Variants in PTPRK observed in about 807,000 individuals in gnomAD.
PTPRK encodes receptor-type tyrosine-protein phosphatase kappa.
A neutral mutation model predicts 178.0 loss-of-function variants in PTPRK; 75 were observed. That is an observed-to-expected ratio of 0.42 (90% confidence interval 0.35 to 0.51). The LOEUF (loss-of-function observed/expected upper bound fraction) is 0.51, where lower values mean the gene tolerates loss of function less well. Among genes scored for constraint, PTPRK ranks in the 20% least tolerant of loss-of-function variants. PTPRK has a pLI of 0.02. For synonymous variants in PTPRK, 637 were observed against 620.6 expected (o/e 1.03, Z -0.39); for missense variants, 1,441 against 1,797.8 (o/e 0.80, Z 3.59).
intron 3 of PTPRK, among the ~76,000 whole-genome samples, chr6:128,277,361 T>C (rs1820882417): frequency 1.3e-5 from 2 of 152,140 alleles, no homozygotes; most frequent in Non-Finnish European, 2.9e-5. Context: ...TGCTGTTAGA[T>C]TGAGATAAAA....
At chr6:128,488,031 G>A (rs538655388) in intron 1 of PTPRK, among the ~76,000 whole-genome samples, 151 of 152,220 alleles carry the variant, frequency 9.9e-4, no homozygotes, top group Non-Finnish European at 1.8e-3. Context: ...ACAATAGGCC[G>A]TCTACAAGCT....
chr6:128,339,007 GT>G (rs1223558578), intron 2 of PTPRK, among the ~76,000 whole-genome samples: 1 of 151,954 alleles, frequency 6.6e-6, no homozygotes, highest in Non-Finnish European at 1.5e-5. Flanking sequence ...ATGCTATTAT[GT>G]TTTTTGCTTT....
At position 128,397,665 on chromosome 6, in the gene PTPRK, G is replaced by A. The variant is rs1216983087; in HGVS notation, c.124C>T (p.Pro42Ser). The A allele has an allele frequency of 3.7e-6, 6 of 1,613,020 alleles. No individual in the cohort carries two copies. The highest frequency in any genetic ancestry group is 5.1e-6 in the Non-Finnish European group (6 of 1,179,384). ...TCCTGGTGGTAATCACAGGCCCCTG[G>A]ACCATCATCAAAAGTACAGCCACCT... ...SAGGCTFDDG[P>S]GACDYHQDLY... The change falls in exon 2 of 30, where the codon CCA (proline) becomes TCA (serine). Residue 42 changes from proline to serine, a missense_variant. Around this residue, in one of 4 missense-constraint regions of PTPRK, gnomAD observed 158 missense variants for 188.0 expected, o/e 0.84. Transcript: ENST00000368226.
At chr6:128,046,606 C>A (rs9482869) in intron 13 of PTPRK, among the ~76,000 whole-genome samples, 113,463 of 152,096 alleles carry the variant, frequency 0.75, 44,578 homozygotes, top group South Asian at 0.95. Context: ...GTGCAGCAGA[C>A]TAAAAATAAA....
chr6:128,439,669 G>GC, intron 1 of PTPRK, among the ~76,000 whole-genome samples: 1 of 152,270 alleles, frequency 6.6e-6, no homozygotes, highest in East Asian at 1.9e-4. Context: ...ATTATATGCT[G>GC]CCCCTAATTA....
chr6:128,183,685 T>C (rs1802299705), intron 7 of PTPRK, among the ~76,000 whole-genome samples: 1 of 152,188 alleles, frequency 6.6e-6, no homozygotes, highest in Non-Finnish European at 1.5e-5. Context: ...AAAAATGTAG[T>C]CAAGTAAATT....
intron 13 of PTPRK, among the ~76,000 whole-genome samples, chr6:128,049,328 A>G (rs1402297536): frequency 6.6e-6 from 1 of 152,192 alleles, no homozygotes; most frequent in East Asian, 1.9e-4. Flanking sequence ...AACTACTTAC[A>G]TAAACAGATT....
chr6:128,091,967 T>C lies in PTPRK; in HGVS notation c.1163-1975A>G, dbSNP rs544768235. 6.6e-5 allele frequency among the ~76,000 whole-genome samples: 10 copies of C among 152,336 alleles called. No individual in the cohort carries two copies. The South Asian group carries it at 2.1e-3, about 32-fold the overall frequency. ...TCTAAGAGTGGGCAAATGATTTATT[T>C]ATTATCTGTTATGCAGAAAATGGAT... On this transcript the variant is annotated intron_variant, in intron 7 of 29. Transcript: ENST00000368226.
At chr6:128,015,024 T>C (rs1779449598) in intron 13 of PTPRK, among the ~76,000 whole-genome samples, 2 of 151,694 alleles carry the variant, frequency 1.3e-5, no homozygotes, top group Non-Finnish European at 3.0e-5. Context: ...TGGAAAATAG[T>C]GCAAAAGTCT....
At chr6:128,486,241 T>C (rs1254813185) in intron 1 of PTPRK, among the ~76,000 whole-genome samples, 2 of 152,178 alleles carry the variant, frequency 1.3e-5, no homozygotes, top group Non-Finnish European at 2.9e-5. Context: ...GCTTGTCTGA[T>C]TATTATTAAT....
chr6:128,435,651 G>C (rs1248261709), intron 1 of PTPRK, among the ~76,000 whole-genome samples: 1 of 152,136 alleles, frequency 6.6e-6, no homozygotes, highest in Non-Finnish European at 1.5e-5. Flanking sequence ...TCTGTTACTT[G>C]AAAGAGAAAT....
At chr6:128,327,409 T>G (rs1047779801) in intron 2 of PTPRK, among the ~76,000 whole-genome samples, 1 of 152,300 alleles carries the variant, frequency 6.6e-6, no homozygotes, top group Middle Eastern at 3.4e-3. Flanking sequence ...TTTCTTTGCC[T>G]AGTATTCACA....
At chr6:128,428,575 A>G (rs534794157) in intron 1 of PTPRK, among the ~76,000 whole-genome samples, 3 of 152,362 alleles carry the variant, frequency 2.0e-5, no homozygotes, top group South Asian at 2.1e-4. Context: ...TGGAAGAAAT[A>G]TGTCAATGTG....
At chr6:128,277,093 C>CT (rs1467241945) in intron 3 of PTPRK, among the ~76,000 whole-genome samples, 2 of 151,514 alleles carry the variant, frequency 1.3e-5, no homozygotes, top group Non-Finnish European at 2.9e-5. Context: ...CTCCTTATAG[C>CT]TTGGCACAAC....
intron 7 of PTPRK, 143 bp downstream of exon 7, chr6:128,184,289 G>T: frequency 1.2e-6 from 1 of 851,200 alleles, no homozygotes; most frequent in South Asian, 1.9e-5. Context: ...TAATCAAGGT[G>T]ATGATTTATG....
rs1202951832 is a variant in PTPRK, at chr6:128,241,948, A to ATTT, written c.577+570_577+572dup. On this transcript the variant is annotated intron_variant, in intron 4 of 29. Transcript: ENST00000368226. ...AGGTGTGCACCACCACGCCTGGCTA[A>ATTT]TTTTTTTTTTTTTTTTTTTGTAAGT... is the stretch of plus-strand genomic sequence containing the variant. Among the ~76,000 whole-genome samples the ATTT allele has an allele frequency of 5.7e-3, 714 of 126,212 alleles. 21 individuals carry two copies. Among genetic ancestry groups the ATTT allele is most frequent in the East Asian group, 0.035 (152 of 4,288 alleles). The allele number at this position is 126,212 out of a possible 152,430, so 82.8% of individuals were successfully genotyped here. A position where few individuals can be genotyped will look rare whatever the true frequency, so the allele number is the denominator to read the frequency against.
chr6:128,062,585 T>C (rs920557917), intron 13 of PTPRK: 41 of 167,108 alleles, frequency 2.5e-4, no homozygotes. Context: ...ACATAAGTTA[T>C]GTCCCTCTTA....
intron 13 of PTPRK, among the ~76,000 whole-genome samples, chr6:128,056,329 C>G (rs549344406): frequency 1.3e-5 from 2 of 152,250 alleles, no homozygotes; most frequent in East Asian, 3.9e-4. Flanking sequence ...TATCTACTTA[C>G]CACCACAATT....
intron 3 of PTPRK, among the ~76,000 whole-genome samples, chr6:128,292,323 T>C (rs1199178627): frequency 1.3e-5 from 2 of 152,094 alleles, no homozygotes; most frequent in African/African-American, 2.4e-5. Context: ...AATCTTCTCA[T>C]AGTATTTATT....
Sources: allele counts gnomAD v4.1 joint callset (sites outside exome capture counted in the v4.1 genomes callset), GRCh38; gene constraint gnomAD v4.1.1; regional missense constraint gnomAD v4.1.1; transcripts MANE v1.5; gene names NCBI Gene and HGNC (gene_info 2026-07-23, HGNC 2026-07-21).